Variants in TENM2 observed in about 807,000 individuals in gnomAD.
TENM2 encodes the protein teneurin transmembrane protein 2, also known as teneurin-2.
Under a neutral mutation model 245.2 loss-of-function variants are expected in TENM2, and 52 were observed. The ratio of observed to expected loss-of-function variants is 0.21; its 90% CI spans 0.17 to 0.27. The LOEUF (loss-of-function observed/expected upper bound fraction) is 0.27, where lower values mean the gene tolerates loss of function less well. Ranked by LOEUF, TENM2 falls within the 10% of genes least tolerant of loss-of-function variation. The probability of loss-of-function intolerance (pLI) is 1.00; values close to 1 mark genes in which losing one functional copy is unlikely to be tolerated. For synonymous variants in TENM2, 1,363 were observed against 1,438.9 expected (o/e 0.95, Z 1.19); for missense variants, 3,046 against 3,666.8 (o/e 0.83, Z 4.37).
chr5:167,212,955 G>A, the TENM2 span, among the ~76,000 whole-genome samples: 1 of 152,288 alleles, frequency 6.6e-6, no homozygotes, highest in African/African-American at 2.4e-5. Context: ...ATAGGACAAT[G>A]TAGATATACC....
At chr5:167,696,257 T>G (rs1757761857) in intron 2 of TENM2, among the ~76,000 whole-genome samples, 1 of 152,164 alleles carries the variant, frequency 6.6e-6, no homozygotes, top group African/African-American at 2.4e-5. Flanking sequence ...AAGTAGCTTA[T>G]TATTTTTTCA....
chr5:167,196,566 G>GTGTA, the TENM2 span, among the ~76,000 whole-genome samples: 40 of 143,470 alleles, frequency 2.8e-4, no homozygotes, highest in African/African-American at 1.0e-3. Context: ...ATATGTGTGT[G>GTGTA]TATATATATA....
intron 25 of TENM2, among the ~76,000 whole-genome samples, chr5:168,233,163 TAAAAATACA>T (rs1297575680): frequency 6.6e-6 from 1 of 151,974 alleles, no homozygotes; most frequent in Non-Finnish European, 1.5e-5. Flanking sequence ...CCATCTCTAC[TAAAAATACA>T]AAAATCAGCT....
chr5:167,560,507 C>T (rs1379036850), intron 2 of TENM2, among the ~76,000 whole-genome samples: 1 of 152,076 alleles, frequency 6.6e-6, no homozygotes, highest in Non-Finnish European at 1.5e-5. Flanking sequence ...GGAAGAGTGC[C>T]ACCTGTAAGG....
chr5:167,432,951 GTTA>G (rs1485762447), intron 2 of TENM2, among the ~76,000 whole-genome samples: 17 of 152,134 alleles, frequency 1.1e-4, no homozygotes, highest in African/African-American at 4.1e-4. Context: ...ATAAATACAC[GTTA>G]TTGCTTTAAT....
chr5:166,980,128 C>T, the TENM2 span, among the ~76,000 whole-genome samples: 1 of 152,174 alleles, frequency 6.6e-6, no homozygotes, highest in Non-Finnish European at 1.5e-5. Context: ...ACACCACTAC[C>T]CATGTTGCTT....
chr5:167,948,148 C>T (rs1430457858), intron 3 of TENM2, among the ~76,000 whole-genome samples: 3 of 152,322 alleles, frequency 2.0e-5, no homozygotes, highest in Admixed American at 1.3e-4. Flanking sequence ...TTCCCCATGC[C>T]GTGTGAGCAA....
At chr5:167,942,478 A>G (rs944676449) in intron 3 of TENM2, among the ~76,000 whole-genome samples, 1 of 152,214 alleles carries the variant, frequency 6.6e-6, no homozygotes, top group Non-Finnish European at 1.5e-5. Flanking sequence ...AAAAGGCCCT[A>G]GAAATGGCCT....
chr5:167,399,422 C>G (rs766480195), intron 2 of TENM2, among the ~76,000 whole-genome samples: 1 of 152,208 alleles, frequency 6.6e-6, no homozygotes, highest in Non-Finnish European at 1.5e-5. Context: ...CAGCATCACT[C>G]ATTCTGAACA....
chr5:167,805,707 T>C (rs1294106770), intron 2 of TENM2, among the ~76,000 whole-genome samples: 5 of 152,154 alleles, frequency 3.3e-5, no homozygotes, highest in Admixed American at 3.3e-4. Flanking sequence ...ATGAATTCCC[T>C]TGAAGTTTTG....
chr5:167,683,249 C>CTTTTTTTTTTT (rs1554100261), intron 2 of TENM2, among the ~76,000 whole-genome samples: 1 of 67,364 alleles, frequency 1.5e-5, no homozygotes. Context: ...AGGACCATGT[C>CTTTTTTTTTTT]TTTTTTTTTT....
At chr5:167,867,232 A>G (rs1386360389) in intron 2 of TENM2, among the ~76,000 whole-genome samples, 1 of 152,224 alleles carries the variant, frequency 6.6e-6, no homozygotes, top group Non-Finnish European at 1.5e-5. Context: ...TGAAAGGGCT[A>G]GCATTAGAAA....
intron 2 of TENM2, among the ~76,000 whole-genome samples, chr5:167,396,780 T>C (rs1762078336): frequency 6.6e-6 from 1 of 152,116 alleles, no homozygotes; most frequent in South Asian, 2.1e-4. Context: ...TAAGACTTTT[T>C]TCAGTGATTG....
At chr5:168,130,067 G>A (rs1754434408) in intron 12 of TENM2, 1 of 152,152 alleles carries the variant, frequency 6.6e-6, no homozygotes, top group Admixed American at 6.5e-5. Context: ...AGTCCTTGTG[G>A]ATTACATTTA....
At chr5:167,063,153 C>T in the TENM2 span, among the ~76,000 whole-genome samples, 1 of 152,014 alleles carries the variant, frequency 6.6e-6, no homozygotes, top group African/African-American at 2.4e-5. Flanking sequence ...GTCTTTTGCC[C>T]TCATGTTGGG....
At chr5:167,235,820 G>T in the TENM2 span, among the ~76,000 whole-genome samples, 1 of 152,194 alleles carries the variant, frequency 6.6e-6, no homozygotes, top group Non-Finnish European at 1.5e-5. Context: ...ACTGTGATCA[G>T]ATCAGTGGAA....
intron 2 of TENM2, among the ~76,000 whole-genome samples, chr5:167,580,436 G>A (rs1478190292): frequency 6.6e-6 from 1 of 152,214 alleles, no homozygotes; most frequent in Admixed American, 6.5e-5. Flanking sequence ...CCAAACCCCA[G>A]TTAGTTATTC....
chr5:168,253,013 C>T (rs1200798358), intron 27 of TENM2, among the ~76,000 whole-genome samples: 1 of 152,046 alleles, frequency 6.6e-6, no homozygotes, highest in Non-Finnish European at 1.5e-5. Context: ...GTCGCCCAGG[C>T]TGGAGTGCAG....
chr5:168,143,867 G>GA (rs1755785754), intron 12 of TENM2, among the ~76,000 whole-genome samples: 2 of 25,606 alleles, frequency 7.8e-5, no homozygotes, highest in Admixed American at 8.7e-4. Flanking sequence ...TTTTTTTTTT[G>GA]AGACAGAGTT....
Sources: gnomAD v4.1 joint callset for allele counts (sites outside exome capture counted in the v4.1 genomes callset) on GRCh38, gnomAD v4.1.1 for gene constraint, MANE v1.5 for transcripts, NCBI Gene and HGNC (gene_info 2026-07-23, HGNC 2026-07-21) for gene names.